The following ATP6V0A4 variants were observed in gnomAD, a reference collection of about 807,000 sequenced individuals.
The protein encoded by ATP6V0A4 is ATPase H+ transporting V0 subunit a4, also known as V-type proton ATPase 116 kDa subunit a 4.
Under a neutral mutation model 107.3 loss-of-function variants are expected in ATP6V0A4, and 86 were observed. That is an observed-to-expected ratio of 0.80 (90% CI 0.67 to 0.96). The LOEUF (loss-of-function observed/expected upper bound fraction) is 0.96. Ranked by LOEUF, ATP6V0A4 falls within the 40% of genes least tolerant of loss-of-function variation. ATP6V0A4 has a pLI of 0.00. For missense variants in ATP6V0A4, 908 were observed against 1,045.6 expected (o/e 0.87, Z 1.81); for synonymous variants, 353 against 381.4 (o/e 0.93, Z 0.87).
At chr7:138,743,593 G>T (rs1805750584) in intron 14 of ATP6V0A4, among the ~76,000 whole-genome samples, 1 of 152,156 alleles carries the variant, frequency 6.6e-6, no homozygotes, top group South Asian at 2.1e-4. Context: ...AGATTTTGGT[G>T]AGCCAGTAAG....
chr7:138,751,873 C>A (rs191503939), intron 11 of ATP6V0A4, among the ~76,000 whole-genome samples: 128 of 152,172 alleles, frequency 8.4e-4, no homozygotes, highest in African/African-American at 3.0e-3. Flanking sequence ...CATGGTGGCG[C>A]GTGCCTGTAG....
chr7:138,788,393 T>G (rs1808259929), intron 1 of ATP6V0A4, among the ~76,000 whole-genome samples: 1 of 152,214 alleles, frequency 6.6e-6, no homozygotes, highest in Non-Finnish European at 1.5e-5. Flanking sequence ...TCCTTCCAAC[T>G]GTTTATTAAC....
rs183992568 is a variant in ATP6V0A4 at position 138,782,720 on chromosome 7, G to C, written c.-18+3438C>G. Reference sequence around the variant, plus strand: ...GGGACCCCGTGGATCCACTTCAATGGAGTGAAATGGGCAGGATTCTGGGGA... The same window carrying C: ...GGGACCCCGTGGATCCACTTCAATGCAGTGAAATGGGCAGGATTCTGGGGA... On this transcript the variant is annotated intron_variant, in intron 2 of 21. Coordinates refer to ENST00000310018, the MANE Select transcript of ATP6V0A4 (RefSeq NM_020632.3). 3.3e-5 allele frequency among the ~76,000 whole-genome samples: 5 copies of C among 152,314 alleles called. No individual in the cohort carries two copies. The East Asian group carries it at 9.6e-4, about 29-fold the overall frequency.
intron 5 of ATP6V0A4, among the ~76,000 whole-genome samples, chr7:138,766,139 C>T (rs1419587763): frequency 6.6e-6 from 1 of 152,080 alleles, no homozygotes; most frequent in Admixed American, 6.6e-5. Flanking sequence ...CTGATTGCCC[C>T]TTATCTATTC....
chr7:138,753,005 C>G (rs552340926), intron 10 of ATP6V0A4, 168 bp from the exon 11 acceptor site: 24 of 736,322 alleles, frequency 3.3e-5, no homozygotes, highest in Non-Finnish European at 3.6e-5. Context: ...TTATCTCCCC[C>G]GCTAGAGGCT....
intron 11 of ATP6V0A4, among the ~76,000 whole-genome samples, chr7:138,749,675 T>G (rs1282436670): frequency 6.6e-6 from 1 of 152,100 alleles, no homozygotes; most frequent in Non-Finnish European, 1.5e-5. Flanking sequence ...TTCCCCAATT[T>G]TTTCCTAATT....
Position 138,773,318 on chromosome 7 carries a change from T to C in ATP6V0A4, c.-17-2054A>G, listed in dbSNP as rs1000154953. Among the ~76,000 whole-genome samples the C allele has an allele frequency of 1.2e-4, 19 of 152,020 alleles. No homozygotes were observed. The highest frequency in any genetic ancestry group is 1.2e-3 in the Admixed American group (18 of 15,252). On this transcript the variant is annotated intron_variant, in intron 2 of 21. Transcript: ENST00000310018. This position sits in a 1 kb window ranked among gnomAD's most constrained non-coding sequence, Gnocchi z 5.4. Reference sequence around the variant, plus strand: ...CAGGCTTTCCCCTGGGTTTGGAAACTCAATATCCTCCTCTCCACCGTCCAT... The same window carrying C: ...CAGGCTTTCCCCTGGGTTTGGAAACCCAATATCCTCCTCTCCACCGTCCAT...
At chr7:138,793,140 C>T (rs1808502950) in intron 1 of ATP6V0A4, among the ~76,000 whole-genome samples, 1 of 151,866 alleles carries the variant, frequency 6.6e-6, no homozygotes, top group Admixed American at 6.6e-5. Context: ...ACCAAAAATA[C>T]AAAAATTACC....
intron 21 of ATP6V0A4, among the ~76,000 whole-genome samples, chr7:138,707,648 C>T (rs1300395298): frequency 6.6e-6 from 1 of 151,282 alleles, no homozygotes; most frequent in Non-Finnish European, 1.5e-5. Flanking sequence ...GTGATCCACA[C>T]ACCTCAGCCT....
chr7:138,718,670 TCGG>T (rs1342683187), intron 19 of ATP6V0A4, among the ~76,000 whole-genome samples: 6 of 39,920 alleles, frequency 1.5e-4, no homozygotes, highest in Admixed American at 2.2e-4. Context: ...AGGAAGGAAT[TCGG>T]GGCGGGGGGG....
In ATP6V0A4 at chr7:138,798,030, TCACCTGCAGCAGG is replaced by T. The variant is rs1291666844; in HGVS notation, c.-130_-121+3del. 1.9e-6 allele frequency: 3 copies of T among 1,553,018 alleles called. No individual in the cohort carries two copies. The African/African-American group carries it at 4.1e-5, about 21-fold the overall frequency. On this transcript the variant is annotated splice_donor_variant and splice_donor_region_variant and 5_prime_UTR_variant and intron_variant, in exon 1 of 22. Transcript: ENST00000310018. LOFTEE classifies it low-confidence loss of function (5UTR_SPLICE). Reference sequence around the variant, plus strand: ...CCAGCTCCTGCAGGTGGGAGTCGACTCACCTGCAGCAGGCACTCGGCACAACTCCGCAGGACCG... The same window carrying T: ...CCAGCTCCTGCAGGTGGGAGTCGACTCACTCGGCACAACTCCGCAGGACCG...
chr7:138,772,130 G>C (rs1807425150), intron 2 of ATP6V0A4, among the ~76,000 whole-genome samples: 1 of 152,090 alleles, frequency 6.6e-6, no homozygotes, highest in Non-Finnish European at 1.5e-5. Context: ...TGCCCATTGG[G>C]TATATCCAAC....
At chr7:138,783,677 G>A (rs1438253473) in intron 2 of ATP6V0A4, among the ~76,000 whole-genome samples, 1 of 152,164 alleles carries the variant, frequency 6.6e-6, no homozygotes, top group African/African-American at 2.4e-5. Context: ...AGTGAGCCAT[G>A]ATTGTACCAC....
At chr7:138,736,443 A>G (rs1805326257) in intron 15 of ATP6V0A4, among the ~76,000 whole-genome samples, 2 of 152,232 alleles carry the variant, frequency 1.3e-5, no homozygotes, top group Non-Finnish European at 2.9e-5. Context: ...AAGAAATAAC[A>G]TAAGAGGAAC....
intron 5 of ATP6V0A4, among the ~76,000 whole-genome samples, chr7:138,766,576 T>G (rs566436892): frequency 6.6e-6 from 1 of 152,250 alleles, no homozygotes; most frequent in Admixed American, 6.5e-5. Flanking sequence ...AGATAAACGA[T>G]ATAGCCCAAA....
intron 7 of ATP6V0A4, 187 bp from the exon 8 acceptor site, chr7:138,760,065 A>C (rs1290700617): frequency 2.3e-6 from 1 of 427,744 alleles, no homozygotes; most frequent in Non-Finnish European, 3.1e-6. Context: ...ACTTGCCCCA[A>C]GTCCCTTTGA....
chr7:138,717,510 A>G (rs1365974589), intron 19 of ATP6V0A4, among the ~76,000 whole-genome samples: 1 of 151,872 alleles, frequency 6.6e-6, no homozygotes, highest in Non-Finnish European at 1.5e-5. Flanking sequence ...TCGCCACTGC[A>G]CTCCAGCCTG....
chr7:138,729,533 G>A (rs1804883981), intron 17 of ATP6V0A4, among the ~76,000 whole-genome samples: 1 of 152,076 alleles, frequency 6.6e-6, no homozygotes, highest in Non-Finnish European at 1.5e-5. Flanking sequence ...TCAGGCCTCT[G>A]CTGAAACCCT....
At chr7:138,720,880 G>A (rs144724001) in intron 19 of ATP6V0A4, among the ~76,000 whole-genome samples, 8 of 152,022 alleles carry the variant, frequency 5.3e-5, no homozygotes, top group African/African-American at 1.4e-4. Context: ...CAAGTGATCC[G>A]CCCGCCTTGG....
Sources: allele counts gnomAD v4.1 joint callset (sites outside exome capture counted in the v4.1 genomes callset), GRCh38; gene constraint gnomAD v4.1.1; non-coding constraint Gnocchi (gnomAD v3.1); transcripts MANE v1.5; gene names NCBI Gene and HGNC (gene_info 2026-07-23, HGNC 2026-07-21).